The following ADGRV1 variants were observed in gnomAD, a reference collection of about 807,000 sequenced individuals.
ADGRV1 encodes the protein G-protein coupled receptor 98.
Under a neutral mutation model 596.2 loss-of-function variants are expected in ADGRV1, and 359 were observed. That is an observed-to-expected ratio of 0.60 (90% CI 0.55 to 0.66). The LOEUF (loss-of-function observed/expected upper bound fraction) is 0.66, where lower values mean the gene tolerates loss of function less well. ADGRV1 is among the 30% of genes least tolerant of loss of function. The pLI, the probability that ADGRV1 is intolerant of heterozygous loss-of-function variation, is 0.00. For synonymous variants in ADGRV1, 2,681 were observed against 2,679.2 expected (o/e 1.00, Z -0.02); for missense variants, 7,274 against 7,575.6 (o/e 0.96, Z 1.48).
At chr5:90,569,385 ATATTTTTTT>A (rs1409087123) in intron 1 of ADGRV1, among the ~76,000 whole-genome samples, 12 of 16,480 alleles carry the variant, frequency 7.3e-4, no homozygotes, top group African/African-American at 2.2e-3. Context: ...ATATATATAT[ATATTTTTTT>A]TTTTTTTTTT....
chr5:91,047,316 A>C (rs753974879), intron 85 of ADGRV1, among the ~76,000 whole-genome samples: 1 of 152,144 alleles, frequency 6.6e-6, no homozygotes, highest in Non-Finnish European at 1.5e-5. Context: ...AACTGTGAGG[A>C]TAGATGTGTG....
At chr5:90,999,194 C>G (rs573081196) in intron 85 of ADGRV1, among the ~76,000 whole-genome samples, 116 of 152,068 alleles carry the variant, frequency 7.6e-4, no homozygotes, top group African/African-American at 2.7e-3. Flanking sequence ...TCTCTATTAA[C>G]ACATCTTTCT....
At chr5:91,147,518 C>A (rs573125030) in intron 87 of ADGRV1, among the ~76,000 whole-genome samples, 1 of 152,164 alleles carries the variant, frequency 6.6e-6, no homozygotes, top group Non-Finnish European at 1.5e-5. Context: ...CTCATTAGAT[C>A]TGATGGTTTC....
intron 73 of ADGRV1, 86 bp downstream of exon 73, chr5:90,807,823 T>C: frequency 2.5e-6 from 3 of 1,204,324 alleles, no homozygotes; most frequent in Non-Finnish European, 3.4e-6. Flanking sequence ...GCACAAGGGT[T>C]ATTCTCCTTG....
rs2149621095 is a variant in ADGRV1, at chr5:90,690,805, A to G, written c.6715A>G (p.Ile2239Val). ...DDPYGLFGFQ[I>V]TKLIVEEPEF... is the part of the protein sequence containing the mutation. ...CTCTGTCTACCCTTCAGGTTTTCAG[A>G]TTACTAAACTTATTGTAGAGGAACC... Residue 2239 changes from isoleucine to valine, a missense_variant, in exon 31 of 90, where the codon ATT (isoleucine) becomes GTT (valine). This residue lies in a region of ADGRV1 where 3,643 missense variants were observed against 3,809.2 expected (regional missense o/e 0.96). Coordinates refer to ENST00000405460, the MANE Select transcript of ADGRV1 (RefSeq NM_032119.4). The G allele has an allele frequency of 1.3e-6, 2 of 1,594,070 alleles. No individual in the cohort carries two copies. Among genetic ancestry groups the G allele is most frequent in the Admixed American group, 1.8e-5 (1 of 56,490 alleles).
At chr5:90,750,937 A>G (rs1038685109) in intron 53 of ADGRV1, among the ~76,000 whole-genome samples, 1 of 152,246 alleles carries the variant, frequency 6.6e-6, no homozygotes, top group South Asian at 2.1e-4. Context: ...TCTGAGTTTC[A>G]GTACATTCGT....
intron 83 of ADGRV1, among the ~76,000 whole-genome samples, chr5:90,930,016 G>T (rs1408496594): frequency 6.6e-6 from 1 of 152,016 alleles, no homozygotes; most frequent in Non-Finnish European, 1.5e-5. Flanking sequence ...TTTAAAATAG[G>T]CATTAATTTT....
In ADGRV1 at chr5:90,815,694, T is replaced by C. The variant is rs1375955216; in HGVS notation, c.16154T>C (p.Val5385Ala). Residue 5385 changes from valine (V) to alanine (A), a missense_variant, in exon 75 of 90, where the codon GTT (valine) becomes GCT (alanine). Val to Ala is a moderately conservative substitution (Grantham distance 64). Coordinates refer to ENST00000405460, the MANE Select transcript of ADGRV1 (RefSeq NM_032119.4). ...GGACTAGAACTCAGGGAAGGAGCTG[T>C]TATGAGAAGATTGCACCTTATTGTC... ...QSGLELREGA[V>A]MRRLHLIVTR... 1 of 1,574,744 alleles carries C rather than the reference T, an allele frequency of 6.4e-7. No individual in the cohort carries two copies. The highest frequency in any genetic ancestry group is 1.2e-5 in the South Asian group (1 of 85,448).
At chr5:91,136,863 A>G (rs1428101055) in intron 87 of ADGRV1, among the ~76,000 whole-genome samples, 3 of 106,472 alleles carry the variant, frequency 2.8e-5, no homozygotes, top group African/African-American at 1.1e-4. Context: ...TTGGGGCTGG[A>G]CTAAAATCTT....
intron 85 of ADGRV1, among the ~76,000 whole-genome samples, chr5:91,007,345 C>G (rs1782362108): frequency 6.6e-6 from 1 of 152,136 alleles, no homozygotes. Flanking sequence ...AACATATACT[C>G]ATAGTGTAGC....
At chr5:90,954,780 C>T (rs997045078) in intron 83 of ADGRV1, among the ~76,000 whole-genome samples, 1 of 151,902 alleles carries the variant, frequency 6.6e-6, no homozygotes, top group Non-Finnish European at 1.5e-5. Context: ...CCTCTACCTA[C>T]TAGGATATTT....
At chr5:91,143,394 G>A (rs907087984) in intron 87 of ADGRV1, among the ~76,000 whole-genome samples, 4 of 152,182 alleles carry the variant, frequency 2.6e-5, no homozygotes, top group African/African-American at 9.6e-5. Context: ...GTAGAAGGAG[G>A]TATGCAGACA....
At chr5:90,982,940 T>G (rs1780202022) in intron 84 of ADGRV1, among the ~76,000 whole-genome samples, 1 of 152,186 alleles carries the variant, frequency 6.6e-6, no homozygotes, top group Non-Finnish European at 1.5e-5. Flanking sequence ...AAAATTCAAG[T>G]AAAACTTGAA....
chr5:91,029,691 T>C (rs1784322425), intron 85 of ADGRV1, among the ~76,000 whole-genome samples: 1 of 152,162 alleles, frequency 6.6e-6, no homozygotes, highest in Non-Finnish European at 1.5e-5. Flanking sequence ...TTTTTTCTTA[T>C]TGATTTGTAG....
intron 84 of ADGRV1, among the ~76,000 whole-genome samples, chr5:90,976,045 C>T (rs1779544557): frequency 6.6e-6 from 1 of 151,614 alleles, no homozygotes; most frequent in South Asian, 2.1e-4. Context: ...ATAAAAAGTA[C>T]ATCTTTTTCT....
intron 34 of ADGRV1, among the ~76,000 whole-genome samples, chr5:90,701,822 ATC>A (rs1747947143): frequency 6.6e-6 from 1 of 151,770 alleles, no homozygotes. Context: ...TTATGCCCAA[ATC>A]TCTGTGTCTA....
Position 90,708,909 on chromosome 5 carries a change from G to C in ADGRV1, c.8824G>C (p.Asp2942His), listed in dbSNP as rs776760190. Residue 2942 changes from aspartate (D) to histidine (H), a missense_variant and splice_region_variant, in exon 39 of 90, where the codon GAT becomes CAT. Asp to His is a moderately conservative substitution (Grantham distance 81, BLOSUM62 -1). Around this residue, in one of 5 missense-constraint regions of ADGRV1, gnomAD observed 3,643 missense variants for 3,809.2 expected, o/e 0.96. Transcript: ENST00000405460. ...AASTSFPPRL[D>H]SEGLTAQVII... ...TTCAACTTCATTTCCTCCCAGACTAGGTATGAGGGGTTTCTTGTTTGTTTC... is the reference window on the plus strand; with the variant it reads ...TTCAACTTCATTTCCTCCCAGACTACGTATGAGGGGTTTCTTGTTTGTTTC... 6.3e-6 allele frequency: 10 copies of C among 1,597,216 alleles called. No individual in the cohort carries two copies. Among genetic ancestry groups the C allele is most frequent in the Non-Finnish European group, 7.7e-6 (9 of 1,165,544 alleles).
intron 82 of ADGRV1, among the ~76,000 whole-genome samples, chr5:90,857,956 A>G (rs1330732372): frequency 6.6e-6 from 1 of 152,188 alleles, no homozygotes; most frequent in African/African-American, 2.4e-5. Context: ...AACAGAGTAG[A>G]TCACAATGTA....
At chr5:90,850,322 T>C (rs946928595) in intron 79 of ADGRV1, among the ~76,000 whole-genome samples, 17 of 152,182 alleles carry the variant, frequency 1.1e-4, no homozygotes, top group African/African-American at 4.1e-4. Flanking sequence ...AGGTTTTTTC[T>C]TAATGTGCAA....
Sources: gnomAD v4.1 joint callset for allele counts (sites outside exome capture counted in the v4.1 genomes callset) on GRCh38, gnomAD v4.1.1 for gene constraint, gnomAD v4.1.1 regional missense constraint, MANE v1.5 for transcripts, NCBI Gene and HGNC (gene_info 2026-07-23, HGNC 2026-07-21) for gene names.